The following SEPTIN9 variants were observed in gnomAD, a reference collection of about 807,000 sequenced individuals.
SEPTIN9 encodes septin-9.
SEPTIN9 carries 13 observed loss-of-function variants against 56.6 expected under a neutral mutation model. The observed-to-expected ratio is 0.23, with a 90% CI of 0.15 to 0.37. The LOEUF (loss-of-function observed/expected upper bound fraction) is 0.37, where lower values mean the gene tolerates loss of function less well. SEPTIN9 is among the 10% of genes least tolerant of loss of function. SEPTIN9 has a pLI of 1.00. For synonymous variants in SEPTIN9, 332 were observed against 334.1 expected, an observed-to-expected ratio of 0.99 and a Z score of 0.07; for missense variants, 650 against 823.1, an observed-to-expected ratio of 0.79 and a Z score of 2.57.
chr17:77,386,892 T>C (rs2035355367), intron 2 of SEPTIN9, among the ~76,000 whole-genome samples: 5 of 152,236 alleles, frequency 3.3e-5, no homozygotes, highest in Admixed American at 6.5e-5. Flanking sequence ...AACTTCAGCC[T>C]TCAGTGCAGG....
chr17:77,317,922 G>T lies in SEPTIN9; in HGVS notation c.76+10725G>T, dbSNP rs1237368487. Among the ~76,000 whole-genome samples, 1 of 152,090 alleles carries T rather than the reference G, an allele frequency of 6.6e-6. No individual in the cohort carries two copies. The highest frequency in any genetic ancestry group is 6.6e-5 in the Admixed American group (1 of 15,258). On this transcript the variant is annotated intron_variant, in intron 2 of 11. Transcript: ENST00000427177. This position sits in a 1 kb window ranked among gnomAD's most constrained non-coding sequence, Gnocchi z 4.2. ...AAAAATTAGCCGGACACGGTGGCAG[G>T]CGTCTGTAGTCCCAGCTTCTTGGGA...
chr17:77,296,640 G>T (rs1405703336), intron 1 of SEPTIN9, among the ~76,000 whole-genome samples: 1 of 152,164 alleles, frequency 6.6e-6, no homozygotes, highest in Non-Finnish European at 1.5e-5. Context: ...ATCACTTGAG[G>T]CCAGGAGTTT....
chr17:77,361,104 A>G (rs982745495), intron 2 of SEPTIN9, among the ~76,000 whole-genome samples: 1 of 151,874 alleles, frequency 6.6e-6, no homozygotes, highest in Non-Finnish European at 1.5e-5. Context: ...TTGTATTTTT[A>G]GTAGAGATGG....
intron 2 of SEPTIN9, among the ~76,000 whole-genome samples, chr17:77,342,104 A>C (rs2033753151): frequency 6.6e-6 from 1 of 152,056 alleles, no homozygotes; most frequent in Admixed American, 6.6e-5. Flanking sequence ...AAGAAAAAAG[A>C]AAAAAGAGAT....
intron 3 of SEPTIN9, among the ~76,000 whole-genome samples, chr17:77,414,542 C>T (rs2036424995): frequency 6.6e-6 from 1 of 151,400 alleles, no homozygotes; most frequent in Non-Finnish European, 1.5e-5. Context: ...TGCCCTCCTC[C>T]TCCATATTTC....
At chr17:77,338,621 G>A (rs1028400473) in intron 2 of SEPTIN9, among the ~76,000 whole-genome samples, 2 of 152,138 alleles carry the variant, frequency 1.3e-5, no homozygotes, top group East Asian at 3.9e-4. Flanking sequence ...GTTTCACCTT[G>A]TTGGCCAGGC....
chr17:77,426,521 C>T (rs886238390), intron 3 of SEPTIN9, among the ~76,000 whole-genome samples: 3 of 152,154 alleles, frequency 2.0e-5, no homozygotes, highest in African/African-American at 7.2e-5. Flanking sequence ...TGGCCACTCC[C>T]CTCAGCCCCT....
At chr17:77,309,219 C>T (rs1404130561) in intron 2 of SEPTIN9, among the ~76,000 whole-genome samples, 1 of 152,268 alleles carries the variant, frequency 6.6e-6, no homozygotes, top group East Asian at 1.9e-4. Flanking sequence ...TTGCTTCCCT[C>T]TGCTCAGACT....
rs1301216715 is a variant in SEPTIN9 at position 77,330,177 on chromosome 17, C to T, written c.76+22980C>T. Among the ~76,000 whole-genome samples, 1 of 152,230 alleles carries T rather than the reference C, an allele frequency of 6.6e-6. No individual in the cohort carries two copies. The highest frequency in any genetic ancestry group is 2.1e-4 in the South Asian group (1 of 4,836). ...CTGGGTGTTCCTGATGCTCTGTCCCCTCTGCGTCCTGTGCCGTGGGTGAGA... is the reference window on the plus strand; with the variant it reads ...CTGGGTGTTCCTGATGCTCTGTCCCTTCTGCGTCCTGTGCCGTGGGTGAGA... On this transcript the variant is annotated intron_variant, in intron 2 of 11. Transcript: ENST00000427177. The surrounding 1 kb of genome is among the most constrained non-coding windows in gnomAD (Gnocchi z 4.4).
chr17:77,422,262 G>T (rs889658270), intron 3 of SEPTIN9, among the ~76,000 whole-genome samples: 1 of 152,202 alleles, frequency 6.6e-6, no homozygotes, highest in South Asian at 2.1e-4. Flanking sequence ...CCTCCTGGGC[G>T]CGTGGTCAGG....
In SEPTIN9 at chr17:77,322,413, A is replaced by G. The variant is rs79088246; in HGVS notation, c.76+15216A>G. 1.2e-3 allele frequency among the ~76,000 whole-genome samples: 179 copies of G among 152,302 alleles called. 3 individuals carry two copies. The East Asian group carries it at 0.029, about 25-fold the overall frequency. Reference sequence around the variant, plus strand: ...TGAAAGATGCTTTCTACAAAATCCCATTCGGATGTGTTTTCATGTAAGAAA... The same window carrying G: ...TGAAAGATGCTTTCTACAAAATCCCGTTCGGATGTGTTTTCATGTAAGAAA... On this transcript the variant is annotated intron_variant, in intron 2 of 11. Coordinates refer to ENST00000427177, the MANE Select transcript of SEPTIN9 (RefSeq NM_001113491.2).
At chr17:77,496,911 C>G (rs1175903480) in intron 10 of SEPTIN9, among the ~76,000 whole-genome samples, 4 of 152,250 alleles carry the variant, frequency 2.6e-5, no homozygotes, top group Admixed American at 6.5e-5. Context: ...CAGCCCAGCC[C>G]CCTGCCTGTC....
At chr17:77,390,295 A>G (rs1334162629) in intron 2 of SEPTIN9, among the ~76,000 whole-genome samples, 1 of 142,816 alleles carries the variant, frequency 7.0e-6, no homozygotes, top group Non-Finnish European at 1.5e-5. Context: ...TGCAGTGAGC[A>G]GAGATGGCAC....
At chr17:77,355,409 A>G (rs1287062640) in intron 2 of SEPTIN9, among the ~76,000 whole-genome samples, 2 of 152,130 alleles carry the variant, frequency 1.3e-5, no homozygotes, top group Non-Finnish European at 2.9e-5. Context: ...ATTTGTGCAA[A>G]TGTGCCCCTC....
chr17:77,396,605 G>A (rs975663174), intron 2 of SEPTIN9, among the ~76,000 whole-genome samples: 1 of 152,146 alleles, frequency 6.6e-6, no homozygotes, highest in African/African-American at 2.4e-5. Flanking sequence ...AGGGGCGACC[G>A]TGTGTGACTG....
At chr17:77,468,622 G>T (rs1319445570) in intron 3 of SEPTIN9, among the ~76,000 whole-genome samples, 5 of 152,246 alleles carry the variant, frequency 3.3e-5, no homozygotes, top group Non-Finnish European at 7.3e-5. Context: ...GGCACAGAGT[G>T]GTTAAGTTAC....
intron 2 of SEPTIN9, among the ~76,000 whole-genome samples, chr17:77,379,773 C>T (rs12326042): frequency 0.017 from 2,579 of 152,280 alleles, 64 homozygotes; most frequent in African/African-American, 0.058. Flanking sequence ...GCTGGAGCCC[C>T]GGACGATTCC....
At chr17:77,490,643 C>A in intron 7 of SEPTIN9, 99 bp from the exon 8 acceptor site, 1 of 956,694 alleles carries the variant, frequency 1.0e-6, no homozygotes, top group Non-Finnish European at 1.6e-6. Flanking sequence ...CCGTGAGCCC[C>A]GAGCCAGCAC....
chr17:77,376,157 C>T (rs943104673), intron 2 of SEPTIN9: 11 of 986,946 alleles, frequency 1.1e-5, no homozygotes, highest in East Asian at 2.3e-4. Context: ...TTCTGGCCAG[C>T]AGCAGCCAGC....
Sources: gnomAD v4.1 joint callset for allele counts (sites outside exome capture counted in the v4.1 genomes callset) on GRCh38, gnomAD v4.1.1 for gene constraint, Gnocchi (gnomAD v3.1) non-coding constraint, MANE v1.5 for transcripts, NCBI Gene and HGNC (gene_info 2026-07-23, HGNC 2026-07-21) for gene names.